CEP128: variants seen among roughly 807,000 people sequenced by gnomAD.
CEP128 encodes the protein centrosomal protein 128.
A neutral mutation model predicts 156.7 loss-of-function variants in CEP128; 132 were observed. The observed-to-expected ratio is 0.84, with a 90% confidence interval of 0.73 to 0.97. The LOEUF (loss-of-function observed/expected upper bound fraction) is 0.97, where lower values mean the gene tolerates loss of function less well. Among genes scored for constraint, CEP128 ranks in the 50% least tolerant of loss-of-function variants. The pLI, the probability that CEP128 is intolerant of heterozygous loss-of-function variation, is 0.00. For missense variants in CEP128, 1,252 were observed against 1,281.9 expected (o/e 0.98, Z 0.36); for synonymous variants, 469 against 448.9 (o/e 1.04, Z -0.57).
intron 13 of CEP128, among the ~76,000 whole-genome samples, chr14:80,827,669 T>C (rs565559759): frequency 1.5e-3 from 225 of 152,312 alleles, no homozygotes; most frequent in Middle Eastern, 0.014. Context: ...ATTTCTACTA[T>C]AATTATGAAC....
chr14:80,630,822 A>G (rs533923964), intron 19 of CEP128, among the ~76,000 whole-genome samples: 4 of 152,176 alleles, frequency 2.6e-5, no homozygotes, highest in African/African-American at 7.2e-5. Context: ...CAGAATCACA[A>G]AAGTCACCAT....
At chr14:80,820,242 T>C (rs529021225) in intron 13 of CEP128, among the ~76,000 whole-genome samples, 2 of 152,344 alleles carry the variant, frequency 1.3e-5, no homozygotes, top group Admixed American at 6.5e-5. Context: ...ACATTTCTTG[T>C]TTTTTCTCGT....
chr14:80,853,389 T>C (rs1886991577), intron 9 of CEP128, among the ~76,000 whole-genome samples: 1 of 151,846 alleles, frequency 6.6e-6, no homozygotes, highest in Non-Finnish European at 1.5e-5. Context: ...TAAGATAGTA[T>C]GTCAGTAAAG....
intron 19 of CEP128, among the ~76,000 whole-genome samples, chr14:80,585,195 G>A (rs572161800): frequency 6.6e-6 from 1 of 152,350 alleles, no homozygotes; most frequent in South Asian, 2.1e-4. Flanking sequence ...GGATGATCCA[G>A]CTGTCCTGTT....
At chr14:80,729,056 GGGGTGTGTGTGTGTGTGTGT>G (rs1364572602) in intron 19 of CEP128, among the ~76,000 whole-genome samples, 2,292 of 88,198 alleles carry the variant, frequency 0.026, 197 homozygotes, top group African/African-American at 0.09. Flanking sequence ...TGGGCTGGTG[GGGGTGTGTGTGTGTGTGTGT>G]GTGTGTGTGT....
At chr14:80,828,382 CA>C (rs1595465648) in intron 13 of CEP128, among the ~76,000 whole-genome samples, 1 of 152,130 alleles carries the variant, frequency 6.6e-6, no homozygotes. Flanking sequence ...CTTGGCCTCC[CA>C]AAGTGCTGGG....
rs561841759 is a variant in CEP128, at chr14:80,622,234, G to T, written c.2807-41811C>A. On this transcript the variant is annotated intron_variant, in intron 19 of 24. Coordinates refer to ENST00000555265, the MANE Select transcript of CEP128 (RefSeq NM_152446.5). ...AGTTTTTTACTTTTTGACAAAAATG[G>T]CATCTTCAAAAGTTTTATTTTTCAT... Among the ~76,000 whole-genome samples, 3 of 152,166 alleles carry T rather than the reference G, an allele frequency of 2.0e-5. No homozygotes were observed. The East Asian group carries it at 5.8e-4, about 29-fold the overall frequency.
chr14:80,721,153 T>G (rs1417046791), intron 19 of CEP128, among the ~76,000 whole-genome samples: 1 of 152,218 alleles, frequency 6.6e-6, no homozygotes, highest in East Asian at 1.9e-4. Context: ...GTCTATATTG[T>G]AAGATCCCTT....
At chr14:80,831,344 A>G in intron 12 of CEP128, 50 bp from the exon 13 acceptor site, 1 of 1,583,028 alleles carries the variant, frequency 6.3e-7, no homozygotes, top group Non-Finnish European at 8.7e-7. Context: ...TTCACAGAAG[A>G]ATGTACTTTC....
rs115635526 is a variant in CEP128, at chr14:80,696,323, T to C, written c.2806+46752A>G. ...TTATAGGATATCCAAGCAAACATATTTGAGAGACAGTAAAATCTCCAAATC... is the reference window on the plus strand; with the variant it reads ...TTATAGGATATCCAAGCAAACATATCTGAGAGACAGTAAAATCTCCAAATC... On this transcript the variant is annotated intron_variant, in intron 19 of 24. Transcript: ENST00000555265. Among the ~76,000 whole-genome samples, 964 of 152,172 alleles carry C rather than the reference T, an allele frequency of 6.3e-3. 14 individuals are homozygous for C. Among genetic ancestry groups the C allele is most frequent in the African/African-American group, 0.022 (928 of 41,516 alleles).
chr14:80,694,974 C>T (rs1265345768), intron 19 of CEP128, among the ~76,000 whole-genome samples: 1 of 150,448 alleles, frequency 6.6e-6, no homozygotes, highest in African/African-American at 2.4e-5. Flanking sequence ...TCCATGATTT[C>T]TGCACATTAA....
chr14:80,560,532 G>A (rs1890624887), intron 20 of CEP128, among the ~76,000 whole-genome samples: 1 of 152,198 alleles, frequency 6.6e-6, no homozygotes, highest in South Asian at 2.1e-4. Context: ...AACACTGAGT[G>A]TCAACTTGAC....
chr14:80,947,818 C>T (rs912536273), intron 2 of CEP128, among the ~76,000 whole-genome samples: 1 of 152,130 alleles, frequency 6.6e-6, no homozygotes, highest in Non-Finnish European at 1.5e-5. Context: ...TGACAGAGTG[C>T]CCGGCCTCCA....
intron 8 of CEP128, among the ~76,000 whole-genome samples, chr14:80,892,357 A>G (rs1351288399): frequency 2.0e-5 from 3 of 151,980 alleles, no homozygotes; most frequent in African/African-American, 7.2e-5. Context: ...GGAATTTCAC[A>G]CACAAAAGAA....
intron 13 of CEP128, chr14:80,830,098 G>A (rs1157213826): frequency 1.2e-5 from 5 of 424,612 alleles, no homozygotes; most frequent in African/African-American, 1.0e-4. Flanking sequence ...TCATCAGCAG[G>A]ATCAAGGGCT....
chr14:80,635,603 A>C (rs1306663875), intron 19 of CEP128, among the ~76,000 whole-genome samples: 1 of 152,210 alleles, frequency 6.6e-6, no homozygotes, highest in Non-Finnish European at 1.5e-5. Flanking sequence ...GTAGGTTTTC[A>C]ATAAATTAAT....
intron 17 of CEP128, among the ~76,000 whole-genome samples, chr14:80,757,522 T>G (rs146271574): frequency 1.8e-4 from 28 of 152,358 alleles, no homozygotes; most frequent in African/African-American, 6.7e-4. Flanking sequence ...CGCCAACTCA[T>G]TTATAAAATC....
chr14:80,805,719 A>C (rs1884137280), intron 13 of CEP128, among the ~76,000 whole-genome samples: 1 of 152,214 alleles, frequency 6.6e-6, no homozygotes, highest in African/African-American at 2.4e-5. Context: ...TGATACTGAG[A>C]GCACAAGTAA....
rs967394299 is a variant in CEP128, at chr14:80,625,546, G to A, written c.2807-45123C>T. Among the ~76,000 whole-genome samples, 3 of 151,942 alleles carry A rather than the reference G, an allele frequency of 2.0e-5. No homozygotes were observed. The South Asian group carries it at 6.3e-4, about 32-fold the overall frequency. ...ACTGCATCTGTAGATTGCTTTGGGT[G>A]GTAAGGTCATTTAAAAATATCAATT... On this transcript the variant is annotated intron_variant, in intron 19 of 24. Transcript: ENST00000555265.
Sources: gnomAD v4.1 joint callset for allele counts (sites outside exome capture counted in the v4.1 genomes callset) on GRCh38, gnomAD v4.1.1 for gene constraint, MANE v1.5 for transcripts, NCBI Gene and HGNC (gene_info 2026-07-23, HGNC 2026-07-21) for gene names.